Variants in ZC3H12B observed in about 807,000 individuals in gnomAD.
ZC3H12B encodes the protein probable ribonuclease ZC3H12B.
ZC3H12B carries 7 observed loss-of-function variants against 43.9 expected under a neutral mutation model. That is an observed-to-expected ratio of 0.16 (90% CI 0.09 to 0.30). The LOEUF (loss-of-function observed/expected upper bound fraction) is 0.30, where lower values mean the gene tolerates loss of function less well. Among genes scored for constraint, ZC3H12B ranks in the 10% least tolerant of loss-of-function variants. ZC3H12B has a pLI of 1.00. For synonymous variants in ZC3H12B, 222 were observed against 241.7 expected (o/e 0.92, Z 0.76); for missense variants, 475 against 670.2 (o/e 0.71, Z 3.22).
the ZC3H12B span, among the ~76,000 whole-genome samples, chrX:65,035,764 TC>T: frequency 9.0e-6 from 1 of 111,036 alleles, no homozygotes; most frequent in African/African-American, 3.3e-5. Context: ...TGCTAAGACC[TC>T]CCGAAAGCCT....
At chrX:65,432,361 G>A (rs964243598) in intron 3 of ZC3H12B, among the ~76,000 whole-genome samples, 1 of 111,701 alleles carries the variant, frequency 9.0e-6, no homozygotes, top group Middle Eastern at 4.2e-3. Flanking sequence ...GTAGTTATTT[G>A]TGGATTATGG....
chrX:65,229,602 A>G, the ZC3H12B span, among the ~76,000 whole-genome samples: 1 of 109,068 alleles, frequency 9.2e-6, no homozygotes, highest in Non-Finnish European at 1.9e-5. Flanking sequence ...CAGGCAACCT[A>G]CAAAATGGGA....
At chrX:65,211,500 G>T in the ZC3H12B span, among the ~76,000 whole-genome samples, 54 of 105,701 alleles carry the variant, frequency 5.1e-4, no homozygotes, top group African/African-American at 1.8e-3. Flanking sequence ...AACCTTATCA[G>T]TTAGGTGGTA....
the ZC3H12B span, among the ~76,000 whole-genome samples, chrX:65,137,464 G>C: frequency 8.9e-6 from 1 of 111,814 alleles, no homozygotes; most frequent in Non-Finnish European, 1.9e-5. Context: ...TATTTTTGAG[G>C]CTGAGAATAT....
At chrX:65,106,566 A>T in the ZC3H12B span, among the ~76,000 whole-genome samples, 485 of 111,324 alleles carry the variant, frequency 4.4e-3, 3 homozygotes, top group African/African-American at 0.015. Context: ...GGTAATAGTG[A>T]TAGAGAAAAA....
chrX:65,376,613 A>C (rs1228770438), intron 2 of ZC3H12B, among the ~76,000 whole-genome samples: 1 of 111,729 alleles, frequency 9.0e-6, no homozygotes, highest in African/African-American at 3.3e-5. Flanking sequence ...AAGGAAAGAA[A>C]ACAAGCGTTT....
At chrX:65,048,299 G>T in the ZC3H12B span, among the ~76,000 whole-genome samples, 2 of 111,180 alleles carry the variant, frequency 1.8e-5, no homozygotes, top group Admixed American at 1.9e-4. Flanking sequence ...CACATTTTCT[G>T]TATCTATTCA....
chrX:65,244,342 A>G, the ZC3H12B span, among the ~76,000 whole-genome samples: 10 of 111,591 alleles, frequency 9.0e-5, no homozygotes, highest in African/African-American at 2.9e-4. Context: ...ATGAAAAAAT[A>G]TCGTGAGAAT....
At chrX:65,104,164 G>T in the ZC3H12B span, among the ~76,000 whole-genome samples, 1 of 111,756 alleles carries the variant, frequency 8.9e-6, no homozygotes, top group Non-Finnish European at 1.9e-5. Context: ...AACAAGAAAT[G>T]AGGAACTGAT....
At chrX:65,368,391 C>T (rs1402643560) in intron 1 of ZC3H12B, among the ~76,000 whole-genome samples, 1 of 111,641 alleles carries the variant, frequency 9.0e-6, no homozygotes, top group Non-Finnish European at 1.9e-5. Flanking sequence ...CATACCTAAT[C>T]TGTAAATCAT....
chrX:65,062,122 A>T, the ZC3H12B span, among the ~76,000 whole-genome samples: 1 of 111,698 alleles, frequency 9.0e-6, no homozygotes, highest in African/African-American at 3.3e-5. Flanking sequence ...TTGCCTCTTC[A>T]CTCTGATGAT....
chrX:65,223,988 A>T, the ZC3H12B span, among the ~76,000 whole-genome samples: 1 of 112,509 alleles, frequency 8.9e-6, no homozygotes, highest in Non-Finnish European at 1.9e-5. Context: ...TATATGAAAA[A>T]GATATTTGCA....
chrX:65,446,108 T>C (rs2067372310), intron 3 of ZC3H12B, among the ~76,000 whole-genome samples: 1 of 111,496 alleles, frequency 9.0e-6, no homozygotes, highest in African/African-American at 3.3e-5. Context: ...AGGCAGCAGG[T>C]TCCCTTCTGC....
the ZC3H12B span, among the ~76,000 whole-genome samples, chrX:65,187,834 T>C: frequency 4.5e-4 from 50 of 110,799 alleles, no homozygotes; most frequent in Admixed American, 1.4e-3. Flanking sequence ...TTTTTAGTTA[T>C]TTTAAAATAT....
chrX:65,212,008 A>G, the ZC3H12B span, among the ~76,000 whole-genome samples: 9 of 66,617 alleles, frequency 1.4e-4, no homozygotes, highest in Admixed American at 2.9e-4. Context: ...TATGTATACT[A>G]TATAATATAT....
At chrX:65,224,658 G>T in the ZC3H12B span, among the ~76,000 whole-genome samples, 1 of 111,798 alleles carries the variant, frequency 8.9e-6, no homozygotes, top group Non-Finnish European at 1.9e-5. Context: ...GGAAAATCGG[G>T]TCACTCCCAC....
At chrX:65,153,457 C>T in the ZC3H12B span, among the ~76,000 whole-genome samples, 1 of 112,417 alleles carries the variant, frequency 8.9e-6, no homozygotes, top group African/African-American at 3.2e-5. Flanking sequence ...GACATTTATG[C>T]AGCCAAAAAA....
intron 2 of ZC3H12B, among the ~76,000 whole-genome samples, chrX:65,370,508 T>A (rs923620398): frequency 3.6e-5 from 4 of 112,214 alleles, no homozygotes; most frequent in Admixed American, 9.5e-5. Flanking sequence ...AGAAATTGAA[T>A]AAAATGAACA....
At chrX:65,236,951 C>T in the ZC3H12B span, among the ~76,000 whole-genome samples, 1 of 111,317 alleles carries the variant, frequency 9.0e-6, no homozygotes, top group Admixed American at 9.6e-5. Flanking sequence ...TTACTGTAGC[C>T]TTGGAGTATA....
Sources: allele counts gnomAD v4.1 joint callset (sites outside exome capture counted in the v4.1 genomes callset), GRCh38; gene constraint gnomAD v4.1.1; transcripts MANE v1.5; gene names NCBI Gene and HGNC (gene_info 2026-07-23, HGNC 2026-07-21).